Variants in DENND2A observed in about 807,000 individuals in gnomAD.
DENND2A encodes DENN domain-containing protein 2A.
A neutral mutation model predicts 105.3 loss-of-function variants in DENND2A; 53 were observed. The ratio of observed to expected loss-of-function variants is 0.50; its 90% CI spans 0.40 to 0.63. The LOEUF (loss-of-function observed/expected upper bound fraction) is 0.63. Among genes scored for constraint, DENND2A ranks in the 30% least tolerant of loss-of-function variants. The pLI, the probability that DENND2A is intolerant of heterozygous loss-of-function variation, is 0.00. For synonymous variants in DENND2A, 522 were observed against 508.4 expected, an observed-to-expected ratio of 1.03 and a Z score of -0.36; for missense variants, 1,138 against 1,279.6, an observed-to-expected ratio of 0.89 and a Z score of 1.69.
chr7:140,622,016 A>G (rs1252070900), intron 1 of DENND2A, among the ~76,000 whole-genome samples: 1 of 152,226 alleles, frequency 6.6e-6, no homozygotes. Flanking sequence ...GCAACACACA[A>G]ACCAAGGCAG....
chr7:140,551,540 T>A lies in DENND2A; in HGVS notation c.2037+4096A>T, dbSNP rs183087625. On this transcript the variant is annotated intron_variant, in intron 12 of 19. Coordinates refer to ENST00000496613, the MANE Select transcript of DENND2A (RefSeq NM_015689.5). ...TGGACCAGGCCTGCGCCCAGACTTGTAGCCTCTAGAGCAGCTAGACCAGCC... is the reference window on the plus strand; with the variant it reads ...TGGACCAGGCCTGCGCCCAGACTTGAAGCCTCTAGAGCAGCTAGACCAGCC... 3.1e-3 allele frequency among the ~76,000 whole-genome samples: 473 copies of A among 152,166 alleles called. 4 individuals carry two copies. The highest frequency in any genetic ancestry group is 0.011 in the African/African-American group (448 of 41,502).
chr7:140,633,028 ATTTT>A (rs1181300571), intron 1 of DENND2A, among the ~76,000 whole-genome samples: 2 of 131,340 alleles, frequency 1.5e-5, no homozygotes, highest in African/African-American at 2.8e-5. Flanking sequence ...TGCCCAGCTA[ATTTT>A]TTTTTTTTTT....
chr7:140,637,307 A>C (rs1329353461), intron 1 of DENND2A, among the ~76,000 whole-genome samples: 1 of 152,240 alleles, frequency 6.6e-6, no homozygotes, highest in African/African-American at 2.4e-5. Context: ...CTCCTACTGA[A>C]TGTCAATTTA....
chr7:140,640,495 C>CCGCGCGGAGCTGCGGTAAACA lies in DENND2A; in HGVS notation c.-248+8_-248+9insTGTTTACCGCAGCTCCGCGCG, dbSNP rs1801161221. The CCGCGCGGAGCTGCGGTAAACA allele has an allele frequency of 6.6e-6, 1 of 151,624 alleles. No individual in the cohort carries two copies. The highest frequency in any genetic ancestry group is 2.4e-5 in the African/African-American group (1 of 41,322). 9.4% of individuals were successfully genotyped at this position (151,624 alleles called of 1,614,324 possible). A position where few individuals can be genotyped will look rare whatever the true frequency, so the allele number is the denominator to read the frequency against. Reference sequence around the variant, plus strand: ...CGACCCTGCACCCCCTGGCCCGGCCCGGCCCTACCTCCCCGCGGGCGGCGG... The same window carrying CCGCGCGGAGCTGCGGTAAACA: ...CGACCCTGCACCCCCTGGCCCGGCCCCGCGCGGAGCTGCGGTAAACAGGCCCTACCTCCCCGCGGGCGGCGG... On this transcript the variant is annotated intron_variant, in intron 1 of 19. Coordinates refer to ENST00000496613, the MANE Select transcript of DENND2A (RefSeq NM_015689.5). The surrounding 1 kb of genome is among the most constrained non-coding windows in gnomAD (Gnocchi z 4.9).
chr7:140,544,906 A>C, intron 13 of DENND2A, 140 bp from the exon 14 acceptor site: 1 of 1,388,276 alleles, frequency 7.2e-7, no homozygotes, highest in East Asian at 3.0e-5. Context: ...AAAAAAGCAA[A>C]ACAAAAGGAT....
chr7:140,556,901 T>C (rs749615734), intron 11 of DENND2A, among the ~76,000 whole-genome samples: 1 of 152,172 alleles, frequency 6.6e-6, no homozygotes, highest in Non-Finnish European at 1.5e-5. Context: ...TAAAATGCTT[T>C]AGCAGGATCA....
intron 4 of DENND2A, among the ~76,000 whole-genome samples, chr7:140,585,938 C>T (rs966317741): frequency 2.6e-5 from 4 of 152,128 alleles, no homozygotes; most frequent in East Asian, 1.9e-4. Context: ...TCAGTTTCAG[C>T]GCTTTAGCCA....
chr7:140,636,219 G>C (rs1393773669), intron 1 of DENND2A, among the ~76,000 whole-genome samples: 1 of 152,044 alleles, frequency 6.6e-6, no homozygotes, highest in African/African-American at 2.4e-5. Flanking sequence ...CAGTGGTGAG[G>C]GCAGTGAGGG....
Position 140,525,770 on chromosome 7 carries a change from T to C in DENND2A, c.2528A>G (p.Asn843Ser). Residue 843 changes from asparagine (N) to serine (S), a missense_variant, in exon 16 of 20, where the codon AAC becomes AGC. Physicochemically the swap from Asn to Ser is conservative, Grantham distance 46 (BLOSUM62 1). Around this residue, in one of 2 missense-constraint regions of DENND2A, gnomAD observed 627 missense variants for 779.8 expected, o/e 0.80. Coordinates refer to ENST00000496613, the MANE Select transcript of DENND2A (RefSeq NM_015689.5). The stretch of plus-strand genomic sequence containing the variant: ...ACTCACCTGTCTGAGGAACCGGCTG[T>C]TGACGAGGTCAACCACAAGGACCTA... ...LEEVLVVDLV[N>S]SRFLRQMDDE... The C allele has an allele frequency of 6.2e-7, 1 of 1,605,696 alleles. No homozygotes were observed. Among genetic ancestry groups the C allele is most frequent in the Non-Finnish European group, 8.5e-7 (1 of 1,176,052 alleles).
At chr7:140,585,534 CA>C in intron 5 of DENND2A, 54 bp downstream of exon 5, 1 of 1,610,106 alleles carries the variant, frequency 6.2e-7, no homozygotes. Flanking sequence ...CCAGAGTGCT[CA>C]AGGCCACCAT....
rs1475486676 is a variant in DENND2A, at chr7:140,555,821, C to T, written c.1960-108G>A. The T allele has an allele frequency of 1.6e-5, 14 of 858,018 alleles. No individual in the cohort carries two copies. The Admixed American group carries it at 3.5e-4, about 21-fold the overall frequency. 53.2% of individuals were successfully genotyped at this position (858,018 alleles called of 1,614,324 possible). A position where few individuals can be genotyped will look rare whatever the true frequency, so the allele number is the denominator to read the frequency against. ...TCATGTGCCAGATGTTTCCACATAT[C>T]ATAGCTCTGGAAAACCCAATAAAGT... On this transcript the variant is annotated intron_variant, in intron 11 of 19. Transcript: ENST00000496613.
chr7:140,543,208 T>C (rs1412546067), intron 14 of DENND2A, among the ~76,000 whole-genome samples: 2 of 151,438 alleles, frequency 1.3e-5, no homozygotes, highest in East Asian at 3.9e-4. Flanking sequence ...AACCTTGAAC[T>C]TCTGGGCTCA....
At chr7:140,569,583 A>T in intron 7 of DENND2A, 62 bp downstream of exon 7, 1 of 1,189,802 alleles carries the variant, frequency 8.4e-7, no homozygotes, top group Non-Finnish European at 1.3e-6. Context: ...ACAGGAAGCC[A>T]CTTCTGGAAA....
intron 14 of DENND2A, among the ~76,000 whole-genome samples, chr7:140,532,307 T>C (rs540498445): frequency 3.9e-5 from 6 of 152,226 alleles, no homozygotes; most frequent in Admixed American, 3.9e-4. Context: ...AATCCCTGCA[T>C]GAAGGTATTT....
chr7:140,613,146 T>C (rs1013553971), intron 1 of DENND2A, among the ~76,000 whole-genome samples: 1 of 150,064 alleles, frequency 6.7e-6, no homozygotes, highest in African/African-American at 2.4e-5. Context: ...CTGAGTACAG[T>C]GATGCAAGCG....
At chr7:140,625,021 C>T (rs1290621051) in intron 1 of DENND2A, among the ~76,000 whole-genome samples, 2 of 151,784 alleles carry the variant, frequency 1.3e-5, no homozygotes, top group African/African-American at 2.4e-5. Context: ...CCACGCCCAG[C>T]CTGGAGATTT....
At chr7:140,540,724 C>CG (rs796359327) in intron 14 of DENND2A, among the ~76,000 whole-genome samples, 1 of 146,294 alleles carries the variant, frequency 6.8e-6, no homozygotes, top group Non-Finnish European at 1.5e-5. Context: ...TTCTTTCTTT[C>CG]TTTTTTTTTT....
chr7:140,550,421 G>A (rs1475042522), intron 12 of DENND2A, among the ~76,000 whole-genome samples: 1 of 152,056 alleles, frequency 6.6e-6, no homozygotes, highest in African/African-American at 2.4e-5. Context: ...GCAGTGGTGC[G>A]ATCTGGGCTC....
At chr7:140,575,002 G>A (rs1798245207) in intron 5 of DENND2A, among the ~76,000 whole-genome samples, 2 of 151,998 alleles carry the variant, frequency 1.3e-5, no homozygotes, top group African/African-American at 4.8e-5. Context: ...CCTGGGTGAT[G>A]GAGTGAGACT....
Sources: gnomAD v4.1 joint callset for allele counts (sites outside exome capture counted in the v4.1 genomes callset) on GRCh38, gnomAD v4.1.1 for gene constraint, gnomAD v4.1.1 regional missense constraint, Gnocchi (gnomAD v3.1) non-coding constraint, MANE v1.5 for transcripts, NCBI Gene and HGNC (gene_info 2026-07-23, HGNC 2026-07-21) for gene names.